Variants in ATE1 observed in about 807,000 individuals in gnomAD.
ATE1 encodes the protein arginyltransferase 1.
ATE1 carries 36 observed loss-of-function variants against 70.5 expected under a neutral mutation model. The observed-to-expected ratio is 0.51, with a 90% confidence interval of 0.39 to 0.67. The LOEUF (loss-of-function observed/expected upper bound fraction) is 0.67. ATE1 is among the 30% of genes least tolerant of loss of function. The probability of loss-of-function intolerance (pLI) is 0.00; values close to 1 mark genes in which losing one functional copy is unlikely to be tolerated. For missense variants in ATE1, 593 were observed against 629.5 expected (o/e 0.94, Z 0.62); for synonymous variants, 232 against 219.3 (o/e 1.06, Z -0.51).
At chr10:121,827,776 TATGTA>T (rs1217331792) in intron 10 of ATE1, among the ~76,000 whole-genome samples, 29 of 152,348 alleles carry the variant, frequency 1.9e-4, no homozygotes, top group South Asian at 1.4e-3. Context: ...AAAAAATATC[TATGTA>T]ATGTAATGTA....
intron 11 of ATE1, among the ~76,000 whole-genome samples, chr10:121,786,884 C>T (rs914937426): frequency 1.3e-5 from 2 of 151,984 alleles, no homozygotes; most frequent in Admixed American, 1.3e-4. Flanking sequence ...CTTTTGAAAT[C>T]TATACATATT....
intron 10 of ATE1, among the ~76,000 whole-genome samples, chr10:121,830,083 G>C (rs976241433): frequency 6.6e-6 from 1 of 152,190 alleles, no homozygotes; most frequent in African/African-American, 2.4e-5. Flanking sequence ...CACATTTTCT[G>C]ACTGAAAAGA....
intron 11 of ATE1, among the ~76,000 whole-genome samples, chr10:121,744,834 A>G (rs1366961530): frequency 6.6e-6 from 1 of 152,202 alleles, no homozygotes; most frequent in Non-Finnish European, 1.5e-5. Flanking sequence ...AGTTCTGGCC[A>G]ATGGGATACA....
At chr10:121,796,215 A>G (rs1218525898) in intron 10 of ATE1, among the ~76,000 whole-genome samples, 3 of 152,182 alleles carry the variant, frequency 2.0e-5, no homozygotes, top group Non-Finnish European at 4.4e-5. Flanking sequence ...CTTACCAAGC[A>G]AGGGCACCTA....
At chr10:121,791,096 A>ACATATTT (rs1946433602) in intron 10 of ATE1, among the ~76,000 whole-genome samples, 1 of 94,424 alleles carries the variant, frequency 1.1e-5, no homozygotes, top group Non-Finnish European at 2.0e-5. Flanking sequence ...GTGTATATAT[A>ACATATTT]TTTTTTTTTT....
At chr10:121,779,417 T>C (rs1344086910) in intron 11 of ATE1, among the ~76,000 whole-genome samples, 6 of 152,176 alleles carry the variant, frequency 3.9e-5, no homozygotes, top group Admixed American at 3.3e-4. Context: ...CAGCACCTGC[T>C]TCAATGGAAA....
chr10:121,773,448 G>A (rs1276312287), intron 11 of ATE1, among the ~76,000 whole-genome samples: 1 of 152,128 alleles, frequency 6.6e-6, no homozygotes, highest in East Asian at 1.9e-4. Flanking sequence ...CCCATCTTGG[G>A]ACTCTCTCCT....
chr10:121,853,500 T>C (rs920243706), intron 8 of ATE1, among the ~76,000 whole-genome samples: 9 of 152,162 alleles, frequency 5.9e-5, no homozygotes, highest in African/African-American at 2.2e-4. Context: ...TTTCAGATTT[T>C]AGATTTTCAG....
intron 8 of ATE1, among the ~76,000 whole-genome samples, chr10:121,847,458 A>G (rs565416005): frequency 6.7e-6 from 1 of 149,914 alleles, no homozygotes; most frequent in East Asian, 2.0e-4. Context: ...AAAAATAGTA[A>G]TAATAATAAT....
intron 10 of ATE1, among the ~76,000 whole-genome samples, chr10:121,813,953 T>C (rs1459843025): frequency 3.3e-5 from 5 of 152,200 alleles, no homozygotes; most frequent in African/African-American, 1.2e-4. Flanking sequence ...CTCAGATCCA[T>C]GTTTATGAAG....
At chr10:121,918,286 T>G (rs1049667422) in intron 3 of ATE1, among the ~76,000 whole-genome samples, 3 of 148,508 alleles carry the variant, frequency 2.0e-5, no homozygotes, top group African/African-American at 7.5e-5. Context: ...TGAGCAGAGA[T>G]CGCGCCACTG....
chr10:121,762,505 G>A (rs1769512970), intron 11 of ATE1, among the ~76,000 whole-genome samples: 1 of 152,196 alleles, frequency 6.6e-6, no homozygotes, highest in Non-Finnish European at 1.5e-5. Flanking sequence ...GGGCCACTGT[G>A]TGGCATCTGC....
At chr10:121,859,668 A>G (rs538801566) in intron 8 of ATE1, among the ~76,000 whole-genome samples, 76 of 152,242 alleles carry the variant, frequency 5.0e-4, no homozygotes, top group African/African-American at 1.7e-3. Context: ...TAGGCCAGGC[A>G]TGGTGACTCA....
intron 8 of ATE1, among the ~76,000 whole-genome samples, chr10:121,852,834 G>A (rs7078539): frequency 0.9 from 137,209 of 152,236 alleles, 61,975 homozygotes; most frequent in Middle Eastern, 0.96. Context: ...AAATGAAAAA[G>A]TAATAAATTT....
intron 7 of ATE1, among the ~76,000 whole-genome samples, chr10:121,878,233 G>T (rs1407932786): frequency 6.6e-6 from 1 of 152,116 alleles, no homozygotes; most frequent in Admixed American, 6.5e-5. Context: ...GGGCCACGAG[G>T]GAGCCTTCTA....
At chr10:121,914,041 C>T (rs1039864308) in intron 3 of ATE1, 148 bp from the exon 4 acceptor site, 11 of 560,106 alleles carry the variant, frequency 2.0e-5, no homozygotes, top group Non-Finnish European at 2.5e-5. Context: ...AATCCCAGCC[C>T]ACATCACACT....
At chr10:121,915,359 TGAAGA>T (rs2134489923) in intron 3 of ATE1, among the ~76,000 whole-genome samples, 1 of 151,264 alleles carries the variant, frequency 6.6e-6, no homozygotes, top group Admixed American at 6.6e-5. Flanking sequence ...GATGAAAAAC[TGAAGA>T]GAAAAGGTAA....
intron 10 of ATE1, among the ~76,000 whole-genome samples, chr10:121,824,705 C>G (rs1259515477): frequency 6.6e-6 from 1 of 152,130 alleles, no homozygotes; most frequent in African/African-American, 2.4e-5. Context: ...CTACTTTGGA[C>G]AGCATACATG....
chr10:121,857,456 T>G (rs908147761), intron 8 of ATE1, among the ~76,000 whole-genome samples: 8 of 152,244 alleles, frequency 5.3e-5, no homozygotes, highest in Non-Finnish European at 1.2e-4. Context: ...TTATTATGGC[T>G]GCATAGTATT....
Sources: allele counts gnomAD v4.1 joint callset (sites outside exome capture counted in the v4.1 genomes callset), GRCh38; gene constraint gnomAD v4.1.1; transcripts MANE v1.5; gene names NCBI Gene and HGNC (gene_info 2026-07-23, HGNC 2026-07-21).